The following ROBO2 variants were observed in gnomAD, a reference collection of about 807,000 sequenced individuals.
The protein encoded by ROBO2 is roundabout homolog 2.
In ROBO2, 53 loss-of-function variants were observed where a neutral mutation model predicts 160.8. The observed-to-expected ratio is 0.33, with a 90% CI of 0.26 to 0.41. ROBO2 has a LOEUF of 0.41. Ranked by LOEUF, ROBO2 falls within the 10% of genes least tolerant of loss-of-function variation. The probability of loss-of-function intolerance (pLI) is 1.00; values close to 1 mark genes in which losing one functional copy is unlikely to be tolerated. For synonymous variants in ROBO2, 664 were observed against 611.7 expected, an observed-to-expected ratio of 1.09 and a Z score of -1.26; for missense variants, 1,577 against 1,722.4, an observed-to-expected ratio of 0.92 and a Z score of 1.49.
At chr3:77,445,194 G>A (rs188250522) in intron 2 of ROBO2, among the ~76,000 whole-genome samples, 79 of 152,206 alleles carry the variant, frequency 5.2e-4, no homozygotes, top group African/African-American at 1.8e-3. Context: ...CTGGCCCACA[G>A]CATCATTAGC....
intron 2 of ROBO2, among the ~76,000 whole-genome samples, chr3:76,883,679 T>C (rs2073592156): frequency 1.3e-5 from 2 of 152,220 alleles, no homozygotes; most frequent in Non-Finnish European, 2.9e-5. Flanking sequence ...ATTGACTTTA[T>C]CTGGTGTCCA....
chr3:76,000,833 C>T (rs551323461), intron 2 of ROBO2, among the ~76,000 whole-genome samples: 1 of 152,140 alleles, frequency 6.6e-6, no homozygotes, highest in African/African-American at 2.4e-5. Flanking sequence ...TAAATTTTAG[C>T]ATGATATATC....
Position 75,965,810 on chromosome 3 carries a change from C to G in ROBO2, c.109+28208C>G, listed in dbSNP as rs550434865. Among the ~76,000 whole-genome samples the G allele has an allele frequency of 9.9e-4, 150 of 151,588 alleles. 3 individuals are homozygous for G. Among genetic ancestry groups the G allele is most frequent in the African/African-American group, 3.5e-3 (143 of 41,434 alleles). On this transcript the variant is annotated intron_variant, in intron 2 of 26. Transcript: ENST00000487694. ...GCAAGTTACACCAGTTTCAATTTCC[C>G]AGAACTCTAATATATATCCCTGCAT...
At chr3:77,374,928 G>T (rs1270654724) in intron 2 of ROBO2, among the ~76,000 whole-genome samples, 2 of 152,210 alleles carry the variant, frequency 1.3e-5, no homozygotes, top group Non-Finnish European at 1.5e-5. Context: ...TATGAATGGT[G>T]CTGGGCATGC....
At chr3:76,320,891 A>G (rs2072461750) in intron 2 of ROBO2, among the ~76,000 whole-genome samples, 1 of 152,196 alleles carries the variant, frequency 6.6e-6, no homozygotes, top group Non-Finnish European at 1.5e-5. Flanking sequence ...TATGAAGGTA[A>G]TTTGTACACT....
intron 6 of ROBO2, among the ~76,000 whole-genome samples, chr3:77,529,608 A>C (rs2091472036): frequency 6.6e-6 from 1 of 151,864 alleles, no homozygotes; most frequent in South Asian, 2.1e-4. Context: ...TTGATTTGAA[A>C]ATGTGATATA....
intron 2 of ROBO2, among the ~76,000 whole-genome samples, chr3:76,865,869 G>T (rs1009591559): frequency 6.6e-6 from 1 of 152,036 alleles, no homozygotes; most frequent in Non-Finnish European, 1.5e-5. Flanking sequence ...ATTCCCAAAG[G>T]TAGAATTTTA....
intron 2 of ROBO2, among the ~76,000 whole-genome samples, chr3:76,498,556 A>G (rs1503125): frequency 0.64 from 97,459 of 151,550 alleles, 31,946 homozygotes; most frequent in African/African-American, 0.77. Flanking sequence ...ATTCTGTTCT[A>G]TGCAAGAAAT....
chr3:77,026,095 G>A (rs1205009935), intron 2 of ROBO2, among the ~76,000 whole-genome samples: 1 of 152,124 alleles, frequency 6.6e-6, no homozygotes, highest in Non-Finnish European at 1.5e-5. Flanking sequence ...CTGCCTCTCT[G>A]CTTCTTGTTT....
intron 2 of ROBO2, among the ~76,000 whole-genome samples, chr3:76,549,858 C>A (rs2083313511): frequency 2.0e-5 from 3 of 152,172 alleles, no homozygotes; most frequent in Non-Finnish European, 2.9e-5. Context: ...AGAACTTGGC[C>A]AAATCCTGCC....
At chr3:77,550,452 A>G (rs988420503) in intron 7 of ROBO2, among the ~76,000 whole-genome samples, 9 of 152,044 alleles carry the variant, frequency 5.9e-5, no homozygotes, top group Admixed American at 5.3e-4. Flanking sequence ...GATCTTCATG[A>G]GGCCTTAGTA....
intron 2 of ROBO2, among the ~76,000 whole-genome samples, chr3:76,795,711 C>G (rs911858620): frequency 6.6e-6 from 1 of 152,102 alleles, no homozygotes; most frequent in Non-Finnish European, 1.5e-5. Flanking sequence ...TTTTGAACAT[C>G]CCATTAATGT....
intron 2 of ROBO2, among the ~76,000 whole-genome samples, chr3:76,804,096 A>G (rs1010096822): frequency 1.3e-5 from 2 of 152,208 alleles, no homozygotes; most frequent in African/African-American, 4.8e-5. Context: ...GTGTGGGTGT[A>G]GAGGTGATCA....
At chr3:76,302,732 C>T (rs1216701977) in intron 2 of ROBO2, among the ~76,000 whole-genome samples, 11 of 152,150 alleles carry the variant, frequency 7.2e-5, no homozygotes, top group South Asian at 6.2e-4. Flanking sequence ...AACCTAGGTG[C>T]GTAGCAAACT....
At chr3:76,804,746 A>T (rs781503771) in intron 2 of ROBO2, among the ~76,000 whole-genome samples, 9 of 152,220 alleles carry the variant, frequency 5.9e-5, no homozygotes, top group Non-Finnish European at 1.3e-4. Flanking sequence ...AATAAATAAT[A>T]GCAGTTAACG....
intron 2 of ROBO2, among the ~76,000 whole-genome samples, chr3:76,767,279 T>C (rs2061626203): frequency 1.3e-5 from 2 of 151,636 alleles, no homozygotes; most frequent in Non-Finnish European, 3.0e-5. Flanking sequence ...ATTTATTGCC[T>C]TTGTTATTTA....
chr3:77,280,097 T>C (rs1402598723), intron 2 of ROBO2, among the ~76,000 whole-genome samples: 1 of 152,130 alleles, frequency 6.6e-6, no homozygotes, highest in Non-Finnish European at 1.5e-5. Context: ...TTGAGGACTG[T>C]TCTCCAATAC....
At position 76,815,148 on chromosome 3, in the gene ROBO2, A is replaced by G. The variant is rs557428571; in HGVS notation, c.110-282866A>G. 2.6e-5 allele frequency among the ~76,000 whole-genome samples: 4 copies of G among 152,188 alleles called. No individual in the cohort carries two copies. The East Asian group carries it at 5.8e-4, about 22-fold the overall frequency. The stretch of plus-strand genomic sequence containing the variant: ...CTATTGCCTGAAAATAAATGAGAAT[A>G]ATTTTGGAGCTAAAAAAATTTAGTA... On this transcript the variant is annotated intron_variant, in intron 2 of 26. Transcript: ENST00000487694.
chr3:76,072,559 A>T lies in ROBO2; in HGVS notation c.109+134957A>T, dbSNP rs566094445. 2.0e-5 allele frequency among the ~76,000 whole-genome samples: 3 copies of T among 152,186 alleles called. No individual in the cohort carries two copies. In the South Asian group the frequency reaches 6.2e-4, roughly 32 times the overall value. ...AGAAACTTATACTAAATTAAAGCTT[A>T]GTTTTTTTGTTTTTTTGTTTTTAAG... On this transcript the variant is annotated intron_variant, in intron 2 of 26. Coordinates refer to the ROBO2 transcript ENST00000487694.
Sources: gnomAD v4.1 joint callset for allele counts (sites outside exome capture counted in the v4.1 genomes callset) on GRCh38, gnomAD v4.1.1 for gene constraint, MANE v1.5 for transcripts, NCBI Gene and HGNC (gene_info 2026-07-23, HGNC 2026-07-21) for gene names.